Variants in GNA12 observed in about 807,000 individuals in gnomAD.
The protein encoded by GNA12 is G protein subunit alpha 12.
GNA12 carries 9 observed loss-of-function variants against 26.0 expected under a neutral mutation model. That is an observed-to-expected ratio of 0.35 (90% CI 0.21 to 0.60). The LOEUF is 0.60. Among genes scored for constraint, GNA12 ranks in the 20% least tolerant of loss-of-function variants. The pLI is 0.78. For missense variants in GNA12, 405 were observed against 525.8 expected (o/e 0.77, Z 2.25); for synonymous variants, 264 against 219.6 (o/e 1.20, Z -1.79).
At position 2,728,698 on chromosome 7, in the gene GNA12, G is replaced by C. The variant is rs1583198351; in HGVS notation, c.*2483C>G. 6.6e-6 allele frequency: 1 copy of C among 150,786 alleles called. No individual in the cohort carries two copies. The highest frequency in any genetic ancestry group is 1.5e-5 in the Non-Finnish European group (1 of 67,302). The allele number at this position is 150,786 out of a possible 1,614,324, so 9.3% of individuals were successfully genotyped here. A position where few individuals can be genotyped will look rare whatever the true frequency, so the allele number is the denominator to read the frequency against. On this transcript the variant is annotated 3_prime_UTR_variant, in exon 4 of 4. Transcript: ENST00000275364. ...AAAAAATACAAAAGCCTAAGGTTCTGGAGACAAAACTGACTAGAGTCTATG... is the reference window on the plus strand; with the variant it reads ...AAAAAATACAAAAGCCTAAGGTTCTCGAGACAAAACTGACTAGAGTCTATG...
intron 2 of GNA12, among the ~76,000 whole-genome samples, chr7:2,788,916 C>A (rs1192341314): frequency 6.6e-6 from 1 of 151,674 alleles, no homozygotes; most frequent in Admixed American, 6.6e-5. Flanking sequence ...CATCCCTGGG[C>A]TCAAGCGATT....
chr7:2,777,816 C>T (rs544078637), intron 2 of GNA12, among the ~76,000 whole-genome samples: 5 of 152,348 alleles, frequency 3.3e-5, no homozygotes, highest in African/African-American at 1.2e-4. Flanking sequence ...GAAAATACTA[C>T]TCCTGGGGAA....
chr7:2,751,652 C>G (rs1481768237), intron 2 of GNA12, among the ~76,000 whole-genome samples: 2 of 152,074 alleles, frequency 1.3e-5, no homozygotes, highest in African/African-American at 4.8e-5. Context: ...AAAGAAAAAA[C>G]AAATCTCCAG....
intron 1 of GNA12, among the ~76,000 whole-genome samples, chr7:2,838,453 G>A (rs956388293): frequency 9.2e-5 from 14 of 152,068 alleles, no homozygotes; most frequent in African/African-American, 3.1e-4. Context: ...GTGTGGTGGT[G>A]CACATCTGTA....
chr7:2,818,303 A>G (rs1793261463), intron 1 of GNA12, among the ~76,000 whole-genome samples: 1 of 152,224 alleles, frequency 6.6e-6, no homozygotes, highest in South Asian at 2.1e-4. Context: ...GACAGTCAGC[A>G]GCATCTCCAA....
At chr7:2,779,438 A>G (rs1480983609) in intron 2 of GNA12, among the ~76,000 whole-genome samples, 1 of 151,864 alleles carries the variant, frequency 6.6e-6, no homozygotes, top group African/African-American at 2.4e-5. Context: ...TGAACCTGCG[A>G]GTTCGAGGCT....
At chr7:2,835,643 C>G in intron 1 of GNA12, 1 of 860,090 alleles carries the variant, frequency 1.2e-6, no homozygotes, top group Non-Finnish European at 1.9e-6. Context: ...ATGAAGAAGA[C>G]GGCTGCAGAA....
At chr7:2,840,793 A>G (rs1778968645) in intron 1 of GNA12, among the ~76,000 whole-genome samples, 1 of 152,128 alleles carries the variant, frequency 6.6e-6, no homozygotes, top group Non-Finnish European at 1.5e-5. Context: ...ACGCAAGGCC[A>G]CAGTGAGCCA....
intron 1 of GNA12, among the ~76,000 whole-genome samples, chr7:2,830,755 A>G (rs1002568577): frequency 6.6e-6 from 1 of 152,192 alleles, no homozygotes; most frequent in Non-Finnish European, 1.5e-5. Context: ...GATCAAAGAC[A>G]TAACAGATAA....
At chr7:2,748,599 G>C (rs1790878637) in intron 2 of GNA12, among the ~76,000 whole-genome samples, 1 of 151,996 alleles carries the variant, frequency 6.6e-6, no homozygotes, top group Non-Finnish European at 1.5e-5. Context: ...CATAGGCATG[G>C]GCAAGGACTT....
chr7:2,843,704 C>CG lies in GNA12; in HGVS notation c.309+148dup, dbSNP rs576398835. The CG allele has an allele frequency of 2.1e-3, 793 of 373,754 alleles. 9 individuals are homozygous for CG. The highest frequency in any genetic ancestry group is 0.021 in the African/African-American group (690 of 32,792). 23.2% of individuals were successfully genotyped at this position (373,754 alleles called of 1,614,324 possible). The stretch of plus-strand genomic sequence containing the variant: ...CGCCAGCAGGCCTCGGGGAATGGGT[C>CG]GGGGGGGAGTGGGGTGCAGGCGGGG... On this transcript the variant is annotated intron_variant, in intron 1 of 3. Coordinates refer to ENST00000275364, the MANE Select transcript of GNA12 (RefSeq NM_007353.3).
intron 1 of GNA12, among the ~76,000 whole-genome samples, chr7:2,826,594 A>T (rs1793490399): frequency 6.6e-6 from 1 of 152,222 alleles, no homozygotes; most frequent in South Asian, 2.1e-4. Flanking sequence ...ATACAAAGGT[A>T]TACAACTCCA....
chr7:2,787,494 A>AG (rs1365524909), intron 2 of GNA12, among the ~76,000 whole-genome samples: 1 of 152,142 alleles, frequency 6.6e-6, no homozygotes, highest in African/African-American at 2.4e-5. Flanking sequence ...GCTCCCGCCT[A>AG]GGGGCCTCTG....
At chr7:2,801,468 C>T (rs1792807444) in intron 1 of GNA12, among the ~76,000 whole-genome samples, 1 of 152,222 alleles carries the variant, frequency 6.6e-6, no homozygotes, top group South Asian at 2.1e-4. Flanking sequence ...CTTAAAAACA[C>T]ACACACGCAA....
intron 2 of GNA12, among the ~76,000 whole-genome samples, chr7:2,759,048 G>A (rs1275091151): frequency 6.6e-6 from 1 of 151,922 alleles, no homozygotes; most frequent in African/African-American, 2.4e-5. Context: ...GCTGAGGCAG[G>A]AGAATCACTT....
At chr7:2,814,515 G>A (rs113426649) in intron 1 of GNA12, 5 of 707,580 alleles carry the variant, frequency 7.1e-6, no homozygotes, top group African/African-American at 3.5e-5. Flanking sequence ...AAGACTTTGA[G>A]GAAATTTCTT....
intron 1 of GNA12, among the ~76,000 whole-genome samples, chr7:2,817,516 C>T (rs1482690607): frequency 6.6e-6 from 1 of 152,238 alleles, no homozygotes; most frequent in Non-Finnish European, 1.5e-5. Flanking sequence ...CTCACTCACT[C>T]TGCTCTGCCC....
At chr7:2,783,965 G>C (rs1042691773) in intron 2 of GNA12, among the ~76,000 whole-genome samples, 33 of 151,992 alleles carry the variant, frequency 2.2e-4, no homozygotes, top group Admixed American at 2.2e-3. Flanking sequence ...GATTACAGGC[G>C]TAAGCCACCA....
chr7:2,831,141 G>A lies in GNA12; in HGVS notation c.309+12712C>T, dbSNP rs111855922. Among the ~76,000 whole-genome samples, 1,138 of 151,770 alleles carry A rather than the reference G, an allele frequency of 7.5e-3. 15 individuals are homozygous for A. The highest frequency in any genetic ancestry group is 0.026 in the African/African-American group (1,069 of 41,324). On this transcript the variant is annotated intron_variant, in intron 1 of 3. Transcript: ENST00000275364. ...ATGAGGCATCTGCTTTAACTAGTGC[G>A]TTCCAGCAGTCCTGGTATGTTTAAA...
Sources: allele counts gnomAD v4.1 joint callset (sites outside exome capture counted in the v4.1 genomes callset), GRCh38; gene constraint gnomAD v4.1.1; transcripts MANE v1.5; gene names NCBI Gene and HGNC (gene_info 2026-07-23, HGNC 2026-07-21).